Variants in CHD6 observed in about 807,000 individuals in gnomAD.
CHD6 encodes the protein ATP-dependent chromatin remodeler CHD6.
CHD6 carries 50 observed loss-of-function variants against 276.9 expected under a neutral mutation model. That is an observed-to-expected ratio of 0.18 (90% CI 0.14 to 0.23). The LOEUF is 0.23. Among genes scored for constraint, CHD6 ranks in the 10% least tolerant of loss-of-function variants. CHD6 has a pLI of 1.00. For missense variants in CHD6, 2,564 were observed against 3,365.8 expected, an observed-to-expected ratio of 0.76 and a Z score of 5.89; for synonymous variants, 1,173 against 1,229.3, an observed-to-expected ratio of 0.95 and a Z score of 0.96.
At chr20:41,474,289 G>T (rs1008644807) in intron 16 of CHD6, among the ~76,000 whole-genome samples, 2 of 152,088 alleles carry the variant, frequency 1.3e-5, no homozygotes, top group African/African-American at 4.8e-5. Context: ...AGAGGTAAGG[G>T]TAAAAGGAAA....
At chr20:41,576,591 T>C (rs1013547370) in intron 1 of CHD6, among the ~76,000 whole-genome samples, 7 of 152,134 alleles carry the variant, frequency 4.6e-5, no homozygotes, top group African/African-American at 9.7e-5. Context: ...CAAGAATCAC[T>C]TGAACCCAGG....
At chr20:41,410,846 C>T (rs1351038138) in intron 36 of CHD6, among the ~76,000 whole-genome samples, 6 of 152,088 alleles carry the variant, frequency 3.9e-5, no homozygotes, top group Admixed American at 1.3e-4. Context: ...ATCTCTAAAG[C>T]AAGAGCTCAG....
intron 3 of CHD6, among the ~76,000 whole-genome samples, chr20:41,529,029 T>C (rs2044614038): frequency 6.6e-6 from 1 of 152,166 alleles, no homozygotes. Flanking sequence ...TGATCTTCCT[T>C]AGCAAAACAT....
chr20:41,434,103 A>G (rs866645903), intron 27 of CHD6, among the ~76,000 whole-genome samples: 1 of 152,234 alleles, frequency 6.6e-6, no homozygotes, highest in South Asian at 2.1e-4. Flanking sequence ...TGGTCTGAAT[A>G]ATATCAACTA....
chr20:41,486,685 TTC>T (rs1287321180), intron 14 of CHD6, among the ~76,000 whole-genome samples: 3 of 152,192 alleles, frequency 2.0e-5, no homozygotes, highest in African/African-American at 7.2e-5. Context: ...CTTGCATGGC[TTC>T]TCTGTTACCT....
chr20:41,537,112 T>G (rs1213914865), intron 2 of CHD6, among the ~76,000 whole-genome samples: 1 of 152,132 alleles, frequency 6.6e-6, no homozygotes, highest in Non-Finnish European at 1.5e-5. Context: ...AGTTGCATAT[T>G]TTATGTGAAA....
Position 41,452,133 on chromosome 20 carries a change from T to C in CHD6, c.3324-108A>G. Reference sequence around the variant, plus strand: ...AGCCATACATGCTTTTTGTTCTCTGTAGGTCTGTTAATCATCCCAAGGGCT... The same window carrying C: ...AGCCATACATGCTTTTTGTTCTCTGCAGGTCTGTTAATCATCCCAAGGGCT... On this transcript the variant is annotated intron_variant, in intron 21 of 36. Coordinates refer to ENST00000373233, the MANE Select transcript of CHD6 (RefSeq NM_032221.5). The surrounding 1 kb of genome is among the most constrained non-coding windows in gnomAD (Gnocchi z 4.2). 1 of 844,536 alleles carries C rather than the reference T, an allele frequency of 1.2e-6. No homozygotes were observed. The allele number at this position is 844,536 out of a possible 1,614,324, so 52.3% of individuals were successfully genotyped here. A position where few individuals can be genotyped will look rare whatever the true frequency, so the allele number is the denominator to read the frequency against.
chr20:41,415,020 A>G (rs920361666), intron 34 of CHD6, 166 bp downstream of exon 34: 6 of 1,444,922 alleles, frequency 4.2e-6, no homozygotes, highest in African/African-American at 1.4e-5. Flanking sequence ...GTTAGTAACT[A>G]TCTAGTTCTA....
intron 17 of CHD6, among the ~76,000 whole-genome samples, chr20:41,467,866 ACG>A (rs1161562434): frequency 6.6e-6 from 1 of 151,842 alleles, no homozygotes; most frequent in African/African-American, 2.4e-5. Flanking sequence ...CTCAAAAGGA[ACG>A]TGACTCATTC....
At chr20:41,471,383 T>C (rs2145773872) in intron 17 of CHD6, among the ~76,000 whole-genome samples, 1 of 152,318 alleles carries the variant, frequency 6.6e-6, no homozygotes, top group Middle Eastern at 3.4e-3. Context: ...AAATGGGTTA[T>C]TCATTACATC....
intron 1 of CHD6, among the ~76,000 whole-genome samples, chr20:41,617,095 A>T (rs2045940476): frequency 6.6e-6 from 1 of 152,208 alleles, no homozygotes; most frequent in Non-Finnish European, 1.5e-5. Flanking sequence ...CATCCTGAAA[A>T]CTGTAAATAT....
intron 1 of CHD6, among the ~76,000 whole-genome samples, chr20:41,561,575 T>G (rs1454419947): frequency 2.0e-5 from 3 of 152,194 alleles, no homozygotes; most frequent in Non-Finnish European, 4.4e-5. Context: ...CATGGTGGAC[T>G]CCTAGGTTTC....
chr20:41,588,984 C>T lies in CHD6; in HGVS notation c.-24+29356G>A, dbSNP rs951092480. ...AAATCCTCAATAAAATACTGGCAAA[C>T]CGAATCCAGCAGCACATCAAAAAGC... On this transcript the variant is annotated intron_variant, in intron 1 of 36. Coordinates refer to ENST00000373233, the MANE Select transcript of CHD6 (RefSeq NM_032221.5). Among the ~76,000 whole-genome samples the T allele has an allele frequency of 1.2e-4, 19 of 152,256 alleles. No homozygotes were observed. In the East Asian group the frequency reaches 2.9e-3, roughly 23 times the overall value.
At chr20:41,425,128 A>T (rs1327579785) in intron 29 of CHD6, 50 bp downstream of exon 29, 4 of 1,488,736 alleles carry the variant, frequency 2.7e-6, no homozygotes, top group Non-Finnish European at 3.7e-6. Context: ...CCTTTTGAAA[A>T]CTTTACCCAG....
intron 27 of CHD6, among the ~76,000 whole-genome samples, chr20:41,428,155 A>T (rs2047424187): frequency 6.6e-6 from 1 of 152,242 alleles, no homozygotes; most frequent in African/African-American, 2.4e-5. Context: ...GAATAGTTTT[A>T]GGCAAAACTT....
chr20:41,408,955 A>T (rs4810319), intron 36 of CHD6, among the ~76,000 whole-genome samples: 21,005 of 152,128 alleles, frequency 0.14, 2,733 homozygotes, highest in East Asian at 0.34. Context: ...TGCAAGTAGC[A>T]CTCTCAGGAT....
intron 1 of CHD6, among the ~76,000 whole-genome samples, chr20:41,603,364 T>C (rs1217252907): frequency 5.9e-5 from 9 of 151,840 alleles, no homozygotes; most frequent in Admixed American, 3.3e-4. Context: ...AAAAAAACCT[T>C]TGAATTAACA....
chr20:41,415,142 T>C lies in CHD6; in HGVS notation c.6939+44A>G, dbSNP rs762651467. On this transcript the variant is annotated intron_variant, in intron 34 of 36. Coordinates refer to ENST00000373233, the MANE Select transcript of CHD6 (RefSeq NM_032221.5). ...TGAGGAAGAAGGGTTTGTTTCTCAG[T>C]GTAGAAAGGTAAATGTTTTTAATCT... is the stretch of plus-strand genomic sequence containing the variant. 9.7e-6 allele frequency: 15 copies of C among 1,553,414 alleles called. No individual in the cohort carries two copies. In the Admixed American group the frequency reaches 2.0e-4, roughly 21 times the overall value.
chr20:41,599,073 G>A (rs2045747773), intron 1 of CHD6, among the ~76,000 whole-genome samples: 1 of 152,162 alleles, frequency 6.6e-6, no homozygotes, highest in African/African-American at 2.4e-5. Context: ...GTTCTCATGG[G>A]AAACTGTAAA....
Sources: gnomAD v4.1 joint callset for allele counts (sites outside exome capture counted in the v4.1 genomes callset) on GRCh38, gnomAD v4.1.1 for gene constraint, Gnocchi (gnomAD v3.1) non-coding constraint, MANE v1.5 for transcripts, NCBI Gene and HGNC (gene_info 2026-07-23, HGNC 2026-07-21) for gene names.